The following MACROD2 variants were observed in gnomAD, a reference collection of about 807,000 sequenced individuals.
MACROD2 encodes mono-ADP ribosylhydrolase 2, also known as ADP-ribose glycohydrolase MACROD2.
A neutral mutation model predicts 70.4 loss-of-function variants in MACROD2; 36 were observed. The observed-to-expected ratio is 0.51, with a 90% CI of 0.39 to 0.68. The LOEUF (loss-of-function observed/expected upper bound fraction) is 0.68, where lower values mean the gene tolerates loss of function less well. Ranked by LOEUF, MACROD2 falls within the 30% of genes least tolerant of loss-of-function variation. MACROD2 has a pLI of 0.00. For missense variants in MACROD2, 496 were observed against 538.4 expected (o/e 0.92, Z 0.78); for synonymous variants, 172 against 178.8 (o/e 0.96, Z 0.30).
At chr20:15,660,950 T>C (rs2049813130) in intron 8 of MACROD2, among the ~76,000 whole-genome samples, 1 of 152,208 alleles carries the variant, frequency 6.6e-6, no homozygotes. Context: ...AAAGTTTTGA[T>C]CTAATCATTT....
chr20:14,840,555 G>T (rs1002516381), intron 5 of MACROD2, among the ~76,000 whole-genome samples: 10 of 152,074 alleles, frequency 6.6e-5, no homozygotes, highest in Non-Finnish European at 1.2e-4. Context: ...TTCTTGGAGG[G>T]TTTTCCTCTG....
chr20:14,962,754 TTCC>T (rs2074595960), intron 5 of MACROD2, among the ~76,000 whole-genome samples: 1 of 151,942 alleles, frequency 6.6e-6, no homozygotes. Context: ...TCTTTTCCTT[TTCC>T]TCCTCTCCCT....
intron 2 of MACROD2, among the ~76,000 whole-genome samples, chr20:14,011,997 C>T (rs1398106637): frequency 2.0e-5 from 3 of 152,132 alleles, no homozygotes; most frequent in Non-Finnish European, 4.4e-5. Flanking sequence ...CAACCTTCGC[C>T]TCCCAAGTTC....
intron 10 of MACROD2, among the ~76,000 whole-genome samples, chr20:15,908,711 G>A (rs559550325): frequency 4.6e-5 from 7 of 152,216 alleles, no homozygotes; most frequent in African/African-American, 9.6e-5. Context: ...GCACCTTTGC[G>A]GTGGTGGTTT....
Position 14,567,158 on chromosome 20 carries a change from A to G in MACROD2, c.301+73650A>G, listed in dbSNP as rs558241905. On this transcript the variant is annotated intron_variant, in intron 4 of 17. Coordinates refer to ENST00000684519, the MANE Select transcript of MACROD2 (RefSeq NM_001351661.2). The stretch of plus-strand genomic sequence containing the variant: ...TAATTGTCAGAATATTTGAGAATTA[A>G]AAATTAGAAAGCATTAGTACATAAA... Among the ~76,000 whole-genome samples, 5 of 152,060 alleles carry G rather than the reference A, an allele frequency of 3.3e-5. No homozygotes were observed. The East Asian group carries it at 9.7e-4, about 30-fold the overall frequency.
chr20:14,689,610 C>T (rs976928205), intron 5 of MACROD2, among the ~76,000 whole-genome samples: 4 of 152,184 alleles, frequency 2.6e-5, no homozygotes, highest in Non-Finnish European at 4.4e-5. Flanking sequence ...TGCATGGGGT[C>T]TGTATCTGAG....
At chr20:14,257,120 C>G (rs930111202) in intron 3 of MACROD2, among the ~76,000 whole-genome samples, 2 of 152,108 alleles carry the variant, frequency 1.3e-5, no homozygotes, top group Admixed American at 1.3e-4. Flanking sequence ...CACCATAGCA[C>G]TAGTGGTCTT....
At chr20:14,750,854 C>T (rs532994256) in intron 5 of MACROD2, among the ~76,000 whole-genome samples, 2 of 152,028 alleles carry the variant, frequency 1.3e-5, no homozygotes, top group African/African-American at 2.4e-5. Flanking sequence ...TTATAAATCA[C>T]TAACAAATAA....
intron 5 of MACROD2, among the ~76,000 whole-genome samples, chr20:14,779,247 G>A (rs1189913794): frequency 2.0e-5 from 3 of 152,034 alleles, no homozygotes; most frequent in African/African-American, 7.3e-5. Context: ...CAGAATTGTG[G>A]TCGTCTAATT....
intron 3 of MACROD2, among the ~76,000 whole-genome samples, chr20:14,371,810 CTCTTT>C (rs887754335): frequency 4.6e-5 from 7 of 152,042 alleles, no homozygotes; most frequent in Middle Eastern, 3.4e-3. Context: ...TCCATGATTG[CTCTTT>C]TCTTTTCTTT....
In MACROD2 at chr20:14,720,536, C is replaced by CTTTTTTTTTTTTTTT. The variant is rs753673265; in HGVS notation, c.418+35597_418+35611dup. Among the ~76,000 whole-genome samples, 36 of 35,944 alleles carry CTTTTTTTTTTTTTTT rather than the reference C, an allele frequency of 1.0e-3. 9 individuals carry two copies. The highest frequency in any genetic ancestry group is 1.4e-3 in the Non-Finnish European group (29 of 20,780). The allele number at this position is 35,944 out of a possible 152,430, so 23.6% of individuals were successfully genotyped here. A position where few individuals can be genotyped will look rare whatever the true frequency, so the allele number is the denominator to read the frequency against. ...GTTTCATTTCCCAGCTGCCCCACAA[C>CTTTTTTTTTTTTTTT]TTTTTTTTTTTTTTTTTTTTTTTTT... is the stretch of plus-strand genomic sequence containing the variant. On this transcript the variant is annotated intron_variant, in intron 5 of 17. Transcript: ENST00000684519.
At chr20:15,041,791 G>A (rs2075358703) in intron 5 of MACROD2, among the ~76,000 whole-genome samples, 1 of 152,034 alleles carries the variant, frequency 6.6e-6, no homozygotes, top group African/African-American at 2.4e-5. Flanking sequence ...TACCCTTCTT[G>A]CCATTGAGTA....
intron 6 of MACROD2, among the ~76,000 whole-genome samples, chr20:15,351,928 C>CATCT (rs1337032114): frequency 6.6e-6 from 1 of 152,140 alleles, no homozygotes; most frequent in African/African-American, 2.4e-5. Flanking sequence ...AACCCTGATA[C>CATCT]ATCTGGTACA....
chr20:14,257,521 A>AT (rs1290848918), intron 3 of MACROD2, among the ~76,000 whole-genome samples: 3 of 152,032 alleles, frequency 2.0e-5, no homozygotes, highest in Non-Finnish European at 4.4e-5. Context: ...CTAAAAGGGA[A>AT]TTTTTTCACT....
At chr20:14,053,147 A>G (rs1367794596) in intron 2 of MACROD2, 2 of 145,398 alleles carry the variant, frequency 1.4e-5, no homozygotes, top group Non-Finnish European at 3.0e-5. Flanking sequence ...CTTCCAGTCC[A>G]TTTTGAATCA....
chr20:15,856,415 T>C (rs1026667725), intron 8 of MACROD2, among the ~76,000 whole-genome samples: 4 of 152,224 alleles, frequency 2.6e-5, no homozygotes, highest in African/African-American at 9.6e-5. Context: ...TTTTCTTTTT[T>C]ATAGAGTGCT....
chr20:14,888,178 G>A (rs1040115839), intron 5 of MACROD2: 2 of 152,190 alleles, frequency 1.3e-5, no homozygotes, highest in Non-Finnish European at 2.9e-5. Flanking sequence ...TGAGTACACT[G>A]TGATGGCTTC....
intron 6 of MACROD2, among the ~76,000 whole-genome samples, chr20:15,238,240 T>C (rs1312461979): frequency 6.6e-6 from 1 of 152,180 alleles, no homozygotes; most frequent in Non-Finnish European, 1.5e-5. Context: ...TCTTTAAGCA[T>C]AGTGTGATAT....
chr20:14,057,151 G>T (rs556316471), intron 2 of MACROD2, among the ~76,000 whole-genome samples: 2 of 152,138 alleles, frequency 1.3e-5, no homozygotes, highest in African/African-American at 4.8e-5. Context: ...CTAGAGGACA[G>T]TATAAGAGAA....
Sources: gnomAD v4.1 joint callset for allele counts (sites outside exome capture counted in the v4.1 genomes callset) on GRCh38, gnomAD v4.1.1 for gene constraint, MANE v1.5 for transcripts, NCBI Gene and HGNC (gene_info 2026-07-23, HGNC 2026-07-21) for gene names.